Variants in TMEM154 observed in about 807,000 individuals in gnomAD.
The protein encoded by TMEM154 is transmembrane protein 154.
TMEM154 carries 27 observed loss-of-function variants against 24.5 expected under a neutral mutation model. The observed-to-expected ratio is 1.10, with a 90% CI of 0.81 to 1.52. TMEM154 has a LOEUF of 1.52. Among genes scored for constraint, TMEM154 ranks in the 40% most tolerant of loss-of-function variants. The pLI, the probability that TMEM154 is intolerant of heterozygous loss-of-function variation, is 0.00. For missense variants in TMEM154, 228 were observed against 213.4 expected, an observed-to-expected ratio of 1.07 and a Z score of -0.43; for synonymous variants, 67 against 76.8, an observed-to-expected ratio of 0.87 and a Z score of 0.67.
rs563111027 is a variant in TMEM154 at position 152,670,336 on chromosome 4, G to A, written c.64+9534C>T. On this transcript the variant is annotated intron_variant, in intron 1 of 6. Coordinates refer to ENST00000304385, the MANE Select transcript of TMEM154 (RefSeq NM_152680.3). ...GTGCGGTGGCTCACGCCTGTAATCT[G>A]TAATCCCAGCACTTTGGGAGGCCAA... Among the ~76,000 whole-genome samples, 31 of 152,304 alleles carry A rather than the reference G, an allele frequency of 2.0e-4. No individual in the cohort carries two copies. In the South Asian group the frequency reaches 6.2e-3, roughly 31 times the overall value.
chr4:152,648,713 GGCTTTTGAACCTTGAGAC>G (rs1369984715), intron 3 of TMEM154, among the ~76,000 whole-genome samples: 1 of 152,196 alleles, frequency 6.6e-6, no homozygotes, highest in Non-Finnish European at 1.5e-5. Flanking sequence ...GCTTGTAAAT[GGCTTTTGAACCTTGAGAC>G]TTTCACAATG....
chr4:152,666,638 A>G (rs1369686299), intron 1 of TMEM154: 1 of 152,260 alleles, frequency 6.6e-6, no homozygotes, highest in Non-Finnish European at 1.5e-5. Context: ...AGTATGCACC[A>G]TTAAACAGTT....
At chr4:152,648,072 C>G (rs78481217) in intron 3 of TMEM154, among the ~76,000 whole-genome samples, 13 of 152,122 alleles carry the variant, frequency 8.5e-5, no homozygotes, top group African/African-American at 3.1e-4. Flanking sequence ...AAACAAGTCA[C>G]CAACTTATGA....
At chr4:152,670,745 C>T (rs2149790525) in intron 1 of TMEM154, among the ~76,000 whole-genome samples, 1 of 152,226 alleles carries the variant, frequency 6.6e-6, no homozygotes, top group South Asian at 2.1e-4. Context: ...TAAATGATTA[C>T]AATCTCCTCA....
chr4:152,641,529 T>C (rs1752255146), intron 5 of TMEM154: 1 of 152,312 alleles, frequency 6.6e-6, no homozygotes, highest in Non-Finnish European at 1.5e-5. Context: ...AGAAATGCCT[T>C]TTCCAGTTTT....
intron 1 of TMEM154, among the ~76,000 whole-genome samples, chr4:152,659,217 T>C (rs1302456255): frequency 3.3e-5 from 5 of 152,204 alleles, no homozygotes; most frequent in African/African-American, 1.2e-4. Flanking sequence ...TGCTGCAACA[T>C]AGATAAAGCT....
intron 3 of TMEM154, chr4:152,647,282 T>G (rs12650650): frequency 0.53 from 524,919 of 984,410 alleles, 140,805 homozygotes; most frequent in African/African-American, 0.62. Flanking sequence ...GTGGGAGCTT[T>G]CCAAGCAAAA....
chr4:152,662,332 C>A (rs1728628717), intron 1 of TMEM154, among the ~76,000 whole-genome samples: 2 of 151,952 alleles, frequency 1.3e-5, no homozygotes, highest in Admixed American at 1.3e-4. Context: ...AGGGAAGAAC[C>A]AGGTGTGCAG....
intron 6 of TMEM154, among the ~76,000 whole-genome samples, chr4:152,635,083 A>G (rs1752122678): frequency 6.6e-6 from 1 of 152,214 alleles, no homozygotes; most frequent in South Asian, 2.1e-4. Flanking sequence ...CACAAAGAAA[A>G]AAATTAGAAG....
chr4:152,669,053 CTCTT>C (rs1561057725), intron 1 of TMEM154: 3 of 152,184 alleles, frequency 2.0e-5, no homozygotes, highest in African/African-American at 4.8e-5. Flanking sequence ...TAGTCTCACT[CTCTT>C]TGTCAACCTC....
rs765280371 is a variant in TMEM154 at position 152,679,914 on chromosome 4, GCTGCGCGGGGAGC to G, written c.7_19del (p.Ala3ProfsTer2). On this transcript the variant is annotated frameshift_variant, in exon 1 of 7. Coordinates refer to ENST00000304385, the MANE Select transcript of TMEM154 (RefSeq NM_152680.3). LOFTEE classifies it high-confidence loss of function. ...CGCGATCACCAGGGCGAAGACTAGG[GCTGCGCGGGGAGC>G]CTGCATGTCCGCTCGCCTCGGCAGA... The G allele has an allele frequency of 2.5e-6, 4 of 1,610,740 alleles. No individual in the cohort carries two copies. In the East Asian group the frequency reaches 8.9e-5, roughly 36 times the overall value.
At chr4:152,644,372 T>C (rs1263571448) in intron 4 of TMEM154, 43 bp downstream of exon 4, 1 of 1,610,318 alleles carries the variant, frequency 6.2e-7, no homozygotes, top group Non-Finnish European at 8.5e-7. Flanking sequence ...TAACAGTTGC[T>C]GTTCACACCC....
chr4:152,656,352 A>G (rs1360027449), intron 1 of TMEM154, among the ~76,000 whole-genome samples: 1 of 152,144 alleles, frequency 6.6e-6, no homozygotes, highest in African/African-American at 2.4e-5. Context: ...ATCCAAGGAC[A>G]GATATGCTCA....
intron 1 of TMEM154, among the ~76,000 whole-genome samples, chr4:152,655,384 C>A (rs953402500): frequency 1.3e-5 from 2 of 152,214 alleles, no homozygotes; most frequent in African/African-American, 2.4e-5. Flanking sequence ...ACACTGAGAG[C>A]GCCTGTACAC....
At chr4:152,660,624 T>C (rs1465976559) in intron 1 of TMEM154, among the ~76,000 whole-genome samples, 1 of 152,194 alleles carries the variant, frequency 6.6e-6, no homozygotes, top group African/African-American at 2.4e-5. Context: ...AGGGGGCCGA[T>C]GGCAGAACCA....
chr4:152,639,888 G>T (rs1201852852), intron 6 of TMEM154: 1 of 152,926 alleles, frequency 6.5e-6, no homozygotes, highest in African/African-American at 2.4e-5. Flanking sequence ...ATAGACTTTG[G>T]CATCAGAGCT....
chr4:152,662,446 C>A (rs1728630730), intron 1 of TMEM154, among the ~76,000 whole-genome samples: 1 of 151,958 alleles, frequency 6.6e-6, no homozygotes, highest in Non-Finnish European at 1.5e-5. Flanking sequence ...AGCTGGCAAA[C>A]AAAGATGAGC....
At chr4:152,663,663 G>C (rs888816024) in intron 1 of TMEM154, among the ~76,000 whole-genome samples, 1 of 152,222 alleles carries the variant, frequency 6.6e-6, no homozygotes, top group African/African-American at 2.4e-5. Flanking sequence ...CGTTTCACCA[G>C]TTCTCTTTCT....
chr4:152,659,817 T>G (rs527306621), intron 1 of TMEM154, among the ~76,000 whole-genome samples: 8 of 152,342 alleles, frequency 5.3e-5, no homozygotes, highest in Admixed American at 3.9e-4. Context: ...GTGTTTTTTC[T>G]AAACATACCT....
Sources: allele counts gnomAD v4.1 joint callset (sites outside exome capture counted in the v4.1 genomes callset), GRCh38; gene constraint gnomAD v4.1.1; transcripts MANE v1.5; gene names NCBI Gene and HGNC (gene_info 2026-07-23, HGNC 2026-07-21).